Variants in CCDC90B observed in about 807,000 individuals in gnomAD.
CCDC90B encodes the protein coiled-coil domain-containing protein 90B, mitochondrial.
In CCDC90B, 24 loss-of-function variants were observed where a neutral mutation model predicts 37.0. The ratio of observed to expected loss-of-function variants is 0.65; its 90% confidence interval spans 0.47 to 0.91. The LOEUF is 0.91. CCDC90B is among the 40% of genes least tolerant of loss of function. The pLI is 0.00. For missense variants in CCDC90B, 319 were observed against 299.0 expected (o/e 1.07, Z -0.49); for synonymous variants, 113 against 101.1 (o/e 1.12, Z -0.71).
At chr11:83,274,358 A>C (rs2135634900) in intron 4 of CCDC90B, 1 of 271,368 alleles carries the variant, frequency 3.7e-6, no homozygotes, top group African/African-American at 2.2e-5. Context: ...TCAGCTCTGA[A>C]ACCATTATAT....
In CCDC90B at chr11:83,273,852, G is replaced by T. The variant is rs1030353364; in HGVS notation, c.481C>A (p.Arg161=). 1.2e-6 allele frequency: 2 copies of T among 1,607,902 alleles called. No homozygotes were observed. The highest frequency in any genetic ancestry group is 4.5e-5 in the East Asian group (2 of 44,642). The change falls in exon 6 of 9, where the codon CGA becomes AGA. Residue 161 remains arginine (R), a synonymous_variant. Transcript: ENST00000529689. The part of the protein sequence containing the change: ...VKQQLMHETS[R]IRADNKLDIN... ...TCCAGTTTATTATCTGCTCTGATTC[G>T]ACTGGTTTCATGCTTTAAAGAAAGC...
At chr11:83,271,669 A>G (rs1373705433) in intron 7 of CCDC90B, among the ~76,000 whole-genome samples, 1 of 152,232 alleles carries the variant, frequency 6.6e-6, no homozygotes, top group Non-Finnish European at 1.5e-5. Flanking sequence ...TGTTGGTGGG[A>G]GTGTAAATTC....
intron 8 of CCDC90B, among the ~76,000 whole-genome samples, chr11:83,264,541 TAG>T (rs1864131037): frequency 6.6e-6 from 1 of 152,202 alleles, no homozygotes; most frequent in Non-Finnish European, 1.5e-5. Context: ...TCTGGCTTTG[TAG>T]AGTTTCTGCT....
chr11:83,263,162 C>T (rs1019854311), intron 8 of CCDC90B, among the ~76,000 whole-genome samples: 1 of 152,140 alleles, frequency 6.6e-6, no homozygotes, highest in Non-Finnish European at 1.5e-5. Context: ...TTGAAAGACT[C>T]AATCTGTCAT....
At chr11:83,281,286 A>T (rs1254357472) in intron 1 of CCDC90B, among the ~76,000 whole-genome samples, 1 of 152,210 alleles carries the variant, frequency 6.6e-6, no homozygotes, top group Non-Finnish European at 1.5e-5. Context: ...TTCCTTCTTT[A>T]TATCCTTCTA....
At chr11:83,284,928 A>G (rs2135680259) in intron 1 of CCDC90B, among the ~76,000 whole-genome samples, 1 of 152,352 alleles carries the variant, frequency 6.6e-6, no homozygotes, top group East Asian at 1.9e-4. Context: ...AAACACTCAA[A>G]TACCTAACAA....
chr11:83,262,041 C>A, intron 8 of CCDC90B, 75 bp from the exon 9 acceptor site: 2 of 1,044,956 alleles, frequency 1.9e-6, no homozygotes, highest in South Asian at 1.6e-5. Flanking sequence ...ATAATGTTAT[C>A]TTTAAGTGAA....
chr11:83,262,803 G>T (rs1486840277), intron 8 of CCDC90B, among the ~76,000 whole-genome samples: 1 of 152,142 alleles, frequency 6.6e-6, no homozygotes, highest in African/African-American at 2.4e-5. Flanking sequence ...TCAGTTTTAA[G>T]AAATGGGATT....
At chr11:83,268,989 C>G (rs1422930306) in intron 7 of CCDC90B, among the ~76,000 whole-genome samples, 1 of 152,202 alleles carries the variant, frequency 6.6e-6, no homozygotes, top group Non-Finnish European at 1.5e-5. Context: ...TACATGGAAA[C>G]TGAACAACCT....
At position 83,259,677 on chromosome 11, in the gene CCDC90B, G is replaced by C. The variant is rs1863845175; in HGVS notation, c.*2234C>G. 1 of 152,070 alleles carries C rather than the reference G, an allele frequency of 6.6e-6. No individual in the cohort carries two copies. Among genetic ancestry groups the C allele is most frequent in the Non-Finnish European group, 1.5e-5 (1 of 68,020 alleles). 9.4% of individuals were successfully genotyped at this position (152,070 alleles called of 1,614,324 possible). A position where few individuals can be genotyped will look rare whatever the true frequency, so the allele number is the denominator to read the frequency against. The stretch of plus-strand genomic sequence containing the variant: ...TGGAGAAGTTTTTTTTTAGGAGACA[G>C]GGTCTCATGTGTTGCCAGGCTGGAG... On this transcript the variant is annotated 3_prime_UTR_variant, in exon 9 of 9. Coordinates refer to ENST00000529689, the MANE Select transcript of CCDC90B (RefSeq NM_021825.5).
chr11:83,266,790 G>A (rs931958874), intron 7 of CCDC90B: 3 of 152,328 alleles, frequency 2.0e-5, no homozygotes, highest in African/African-American at 7.2e-5. Context: ...AGAACGGAGA[G>A]ACTGCTTCTT....
chr11:83,281,231 C>CTT (rs1435581928), intron 1 of CCDC90B, among the ~76,000 whole-genome samples: 1 of 152,160 alleles, frequency 6.6e-6, no homozygotes. Context: ...AAGGCTGCAA[C>CTT]TTCAGGCATT....
intron 8 of CCDC90B, among the ~76,000 whole-genome samples, chr11:83,263,001 G>A (rs1373712193): frequency 3.3e-5 from 5 of 152,084 alleles, no homozygotes; most frequent in Non-Finnish European, 5.9e-5. Flanking sequence ...TATCCCCATT[G>A]TACAGATGAG....
intron 8 of CCDC90B, among the ~76,000 whole-genome samples, chr11:83,263,408 C>T (rs1864046517): frequency 6.6e-6 from 1 of 152,142 alleles, no homozygotes; most frequent in African/African-American, 2.4e-5. Context: ...GGAGCCATCT[C>T]CAATTTCTTT....
rs928541899 is a variant in CCDC90B, at chr11:83,260,461, G to C, written c.*1450C>G. 1 of 152,142 alleles carries C rather than the reference G, an allele frequency of 6.6e-6. No individual in the cohort carries two copies. The highest frequency in any genetic ancestry group is 2.4e-5 in the African/African-American group (1 of 41,442). 9.4% of individuals were successfully genotyped at this position (152,142 alleles called of 1,614,324 possible). Reference sequence around the variant, plus strand: ...AGGCAATAGAGATAAAAATGAATCAGAATGTAACAGGATAATGTCAAGGTT... The same window carrying C: ...AGGCAATAGAGATAAAAATGAATCACAATGTAACAGGATAATGTCAAGGTT... On this transcript the variant is annotated 3_prime_UTR_variant, in exon 9 of 9. Transcript: ENST00000529689.
chr11:83,276,196 G>A (rs1265911096), intron 3 of CCDC90B, among the ~76,000 whole-genome samples: 1 of 152,148 alleles, frequency 6.6e-6, no homozygotes, highest in East Asian at 1.9e-4. Context: ...CACAGATGTG[G>A]CCTCTAGGGG....
At position 83,273,627 on chromosome 11, in the gene CCDC90B, A is replaced by G. The variant is rs1864827081; in HGVS notation, c.594+20T>C. 6.4e-7 allele frequency: 1 copy of G among 1,551,264 alleles called. No homozygotes were observed. The highest frequency in any genetic ancestry group is 8.8e-7 in the Non-Finnish European group (1 of 1,139,470). ...GGCACAAGAACTGTACAAAAGAGAC[A>G]TTTTTACATATTACTTTACCTTTTT... is the stretch of plus-strand genomic sequence containing the variant. On this transcript the variant is annotated intron_variant, in intron 7 of 8. Coordinates refer to ENST00000529689, the MANE Select transcript of CCDC90B (RefSeq NM_021825.5).
intron 8 of CCDC90B, among the ~76,000 whole-genome samples, chr11:83,265,430 G>T (rs554015585): frequency 6.6e-6 from 1 of 151,524 alleles, no homozygotes; most frequent in South Asian, 2.1e-4. Context: ...TTTTTCCACT[G>T]TGGAGTACCA....
At chr11:83,264,817 A>G (rs1250836649) in intron 8 of CCDC90B, among the ~76,000 whole-genome samples, 1 of 151,840 alleles carries the variant, frequency 6.6e-6, no homozygotes, top group African/African-American at 2.4e-5. Context: ...AGGGACATGG[A>G]TGAAATTGGA....
Sources: gnomAD v4.1 joint callset for allele counts (sites outside exome capture counted in the v4.1 genomes callset) on GRCh38, gnomAD v4.1.1 for gene constraint, MANE v1.5 for transcripts, NCBI Gene and HGNC (gene_info 2026-07-23, HGNC 2026-07-21) for gene names.